CSMD1: variants seen among roughly 807,000 people sequenced by gnomAD.
CSMD1 encodes CUB and sushi domain-containing protein 1.
Under a neutral mutation model 417.5 loss-of-function variants are expected in CSMD1, and 213 were observed. The observed-to-expected ratio is 0.51, with a 90% confidence interval of 0.46 to 0.57. The LOEUF is 0.57. Ranked by LOEUF, CSMD1 falls within the 20% of genes least tolerant of loss-of-function variation. The pLI, the probability that CSMD1 is intolerant of heterozygous loss-of-function variation, is 0.00. For missense variants in CSMD1, 6,923 were observed against 4,529.7 expected (o/e 1.53, Z -15.17); for synonymous variants, 2,862 against 1,736.8 (o/e 1.65, Z -16.11).
Position 3,931,755 on chromosome 8 carries a change from A to C in CSMD1, c.818+66148T>G, listed in dbSNP as rs528779004. 6.8e-4 allele frequency among the ~76,000 whole-genome samples: 101 copies of C among 149,008 alleles called. 6 individuals are homozygous for C. The Middle Eastern group carries it at 0.014, about 20-fold the overall frequency. ...AATCTCAATCCACACCAGAGGAAAC[A>C]AGGTGAGCAAGGAGCACCTAAGACC... On this transcript the variant is annotated intron_variant, in intron 5 of 69. Coordinates refer to ENST00000635120, the MANE Select transcript of CSMD1 (RefSeq NM_033225.6).
intron 1 of CSMD1, among the ~76,000 whole-genome samples, chr8:4,828,464 G>A (rs1799956864): frequency 6.6e-6 from 1 of 152,104 alleles, no homozygotes; most frequent in African/African-American, 2.4e-5. Flanking sequence ...CAAATTCAGG[G>A]AGCTTCTGCT....
chr8:3,286,042 G>T (rs1302114498), intron 25 of CSMD1, among the ~76,000 whole-genome samples: 2 of 152,024 alleles, frequency 1.3e-5, no homozygotes, highest in African/African-American at 4.8e-5. Context: ...TGTTCTCACT[G>T]TTCAACTCCC....
intron 2 of CSMD1, among the ~76,000 whole-genome samples, chr8:4,497,409 TG>T (rs1563233313): frequency 6.6e-6 from 1 of 152,204 alleles, no homozygotes; most frequent in African/African-American, 2.4e-5. Context: ...GATTGTATTT[TG>T]GGGGGAAATA....
chr8:4,951,522 G>GGAGAAA lies in CSMD1; in HGVS notation c.85+42804_85+42809dup, dbSNP rs1808746211. 2.0e-5 allele frequency among the ~76,000 whole-genome samples: 3 copies of GGAGAAA among 149,304 alleles called. No individual in the cohort carries two copies. The Admixed American group carries it at 2.0e-4, about 10-fold the overall frequency. ...AAAGGGAAAGAGGAAGGATGGGAGG[G>GGAGAAA]GAGAAAGAGAAAAGAAAAGAAAAGA... On this transcript the variant is annotated intron_variant, in intron 1 of 69. Coordinates refer to ENST00000635120, the MANE Select transcript of CSMD1 (RefSeq NM_033225.6).
intron 6 of CSMD1, among the ~76,000 whole-genome samples, chr8:3,723,642 T>C (rs1263599607): frequency 7.1e-6 from 1 of 140,816 alleles, no homozygotes; most frequent in East Asian, 2.1e-4. Flanking sequence ...AAGTAGTGTC[T>C]GTCTTTGTAA....
intron 3 of CSMD1, among the ~76,000 whole-genome samples, chr8:4,134,067 T>G (rs530291173): frequency 6.6e-6 from 1 of 152,336 alleles, no homozygotes; most frequent in African/African-American, 2.4e-5. Context: ...AAAGATTAAT[T>G]GCTATTATTA....
chr8:4,633,366 C>T (rs1045969561), intron 2 of CSMD1, among the ~76,000 whole-genome samples: 2 of 151,790 alleles, frequency 1.3e-5, no homozygotes, highest in African/African-American at 2.4e-5. Context: ...CCTGCCTCAC[C>T]CTCCCTAGTA....
At chr8:3,221,577 T>G (rs996693588) in intron 28 of CSMD1, among the ~76,000 whole-genome samples, 2 of 150,822 alleles carry the variant, frequency 1.3e-5, no homozygotes, top group Non-Finnish European at 3.0e-5. Context: ...ATATCCCATC[T>G]GCTCTCTTTT....
At chr8:3,839,214 T>A (rs1171597393) in intron 5 of CSMD1, among the ~76,000 whole-genome samples, 1 of 126,120 alleles carries the variant, frequency 7.9e-6, no homozygotes, top group African/African-American at 2.9e-5. Context: ...AATAAATTAA[T>A]ATATAGTATA....
At position 4,166,365 on chromosome 8, in the gene CSMD1, T is replaced by C. The variant is rs1797455847; in HGVS notation, c.416-134266A>G. 2.6e-5 allele frequency among the ~76,000 whole-genome samples: 4 copies of C among 152,196 alleles called. No individual in the cohort carries two copies. In the South Asian group the frequency reaches 8.3e-4, roughly 32 times the overall value. On this transcript the variant is annotated intron_variant, in intron 3 of 69. Transcript: ENST00000635120. ...CGTATTATACACCTACAGCACATGT[T>C]ATTTGGATGCTAAAGTTCCCACAAT... is the stretch of plus-strand genomic sequence containing the variant.
At chr8:3,666,704 T>A (rs369413921) in intron 7 of CSMD1, among the ~76,000 whole-genome samples, 1 of 152,300 alleles carries the variant, frequency 6.6e-6, no homozygotes, top group East Asian at 1.9e-4. Context: ...CAATCTGATG[T>A]CTTTATAAGG....
intron 4 of CSMD1, among the ~76,000 whole-genome samples, chr8:4,017,571 G>T (rs939253811): frequency 1.3e-5 from 2 of 152,108 alleles, no homozygotes; most frequent in African/African-American, 4.8e-5. Context: ...CTCCCAAAGT[G>T]CTGGAATTAC....
At chr8:3,980,581 T>TC (rs781228855) in intron 5 of CSMD1, among the ~76,000 whole-genome samples, 4 of 152,174 alleles carry the variant, frequency 2.6e-5, no homozygotes, top group Non-Finnish European at 4.4e-5. Context: ...GAAAATAGTT[T>TC]CCCCCCTTGT....
intron 5 of CSMD1, among the ~76,000 whole-genome samples, chr8:3,923,774 C>G (rs1398285497): frequency 6.6e-6 from 1 of 152,154 alleles, no homozygotes; most frequent in Non-Finnish European, 1.5e-5. Flanking sequence ...TCATTTTCAC[C>G]TTTTCACCAA....
chr8:4,948,561 T>C (rs1054492812), intron 1 of CSMD1, among the ~76,000 whole-genome samples: 1 of 152,098 alleles, frequency 6.6e-6, no homozygotes. Context: ...AGAAAATTTA[T>C]TCATAGTACC....
chr8:4,393,677 T>C (rs762066156), intron 3 of CSMD1, among the ~76,000 whole-genome samples: 4 of 152,188 alleles, frequency 2.6e-5, no homozygotes, highest in Non-Finnish European at 5.9e-5. Flanking sequence ...CACACTCCTA[T>C]ACTATAATTA....
At chr8:4,080,850 A>T (rs1253097679) in intron 3 of CSMD1, among the ~76,000 whole-genome samples, 1 of 152,180 alleles carries the variant, frequency 6.6e-6, no homozygotes, top group Non-Finnish European at 1.5e-5. Flanking sequence ...TATGGATTTC[A>T]TGTTTGTTTA....
intron 25 of CSMD1, among the ~76,000 whole-genome samples, chr8:3,302,827 G>A (rs1804521850): frequency 6.6e-6 from 1 of 152,138 alleles, no homozygotes; most frequent in African/African-American, 2.4e-5. Flanking sequence ...GGTATGGTTG[G>A]GAGCTGGTGT....
At position 3,603,334 on chromosome 8, in the gene CSMD1, T is replaced by G. The variant is rs143248058; in HGVS notation, c.1097+13376A>C. ...ATGTTATGTTCCTTAAAATTTTTTT[T>G]AAGTTGTGAAAACACTTTGGACAAT... On this transcript the variant is annotated intron_variant, in intron 8 of 69. Transcript: ENST00000635120. Among the ~76,000 whole-genome samples, 18 of 152,310 alleles carry G rather than the reference T, an allele frequency of 1.2e-4. No individual in the cohort carries two copies. In the East Asian group the frequency reaches 3.5e-3, roughly 29 times the overall value.
Sources: gnomAD v4.1 joint callset for allele counts (sites outside exome capture counted in the v4.1 genomes callset) on GRCh38, gnomAD v4.1.1 for gene constraint, MANE v1.5 for transcripts, NCBI Gene and HGNC (gene_info 2026-07-23, HGNC 2026-07-21) for gene names.